The following LYSMD3 variants were observed in gnomAD, a reference collection of about 807,000 sequenced individuals.
LYSMD3 encodes the protein lysM and putative peptidoglycan-binding domain-containing protein 3.
In LYSMD3, 13 loss-of-function variants were observed where a neutral mutation model predicts 26.1. That is an observed-to-expected ratio of 0.50 (90% CI 0.32 to 0.79). The LOEUF is 0.79. LYSMD3 is among the 30% of genes least tolerant of loss of function. The pLI is 0.03. For missense variants in LYSMD3, 331 were observed against 362.5 expected (o/e 0.91, Z 0.71); for synonymous variants, 109 against 119.4 (o/e 0.91, Z 0.57).
At chr5:90,525,887 A>G (rs755095129) in intron 1 of LYSMD3, among the ~76,000 whole-genome samples, 43 of 152,254 alleles carry the variant, frequency 2.8e-4, no homozygotes, top group Non-Finnish European at 5.0e-4. Flanking sequence ...TAACAAAGGC[A>G]AATTGCTATA....
chr5:90,521,169 T>C (rs2151921143), intron 2 of LYSMD3, among the ~76,000 whole-genome samples: 1 of 152,244 alleles, frequency 6.6e-6, no homozygotes, highest in Middle Eastern at 3.4e-3. Context: ...CTGGGGCAAG[T>C]TGTTTAACCT....
intron 1 of LYSMD3, 181 bp downstream of exon 1, chr5:90,529,267 T>C (rs773662271): frequency 2.6e-6 from 1 of 377,780 alleles, no homozygotes; most frequent in Non-Finnish European, 5.2e-6. Flanking sequence ...CAAGAGGGCC[T>C]GGCAGGGCTG....
In LYSMD3 at chr5:90,519,226, C is replaced by G; in HGVS notation, c.514G>C (p.Val172Leu). Reference protein sequence around the residue: ...KEVDRDIEQIVKCTDNKRENL... With the variant: ...KEVDRDIEQILKCTDNKRENL... ...TCTCTCTTATTGTCTGTACACTTTA[C>G]TATTTGTTCTATGTCTCGGTCTACT... Residue 172 changes from valine to leucine, a missense_variant, in exon 3 of 3, where the codon GTA becomes CTA. By Grantham distance (32) the Val-to-Leu change is conservative. Coordinates refer to ENST00000315948, the MANE Select transcript of LYSMD3 (RefSeq NM_198273.2). 6.2e-7 allele frequency: 1 copy of G among 1,613,904 alleles called. No individual in the cohort carries two copies. The highest frequency in any genetic ancestry group is 8.5e-7 in the Non-Finnish European group (1 of 1,179,974).
Position 90,518,216 on chromosome 5 carries a change from C to T in LYSMD3, c.*603G>A, listed in dbSNP as rs1451988054. On this transcript the variant is annotated 3_prime_UTR_variant, in exon 3 of 3. Coordinates refer to ENST00000315948, the MANE Select transcript of LYSMD3 (RefSeq NM_198273.2). ...TTCTACTGACTTCCCAACCATAATA[C>T]ATTATTTTGGGGTCTTGAAAATATT... 3 of 152,248 alleles carry T rather than the reference C, an allele frequency of 2.0e-5. No individual in the cohort carries two copies. Among genetic ancestry groups the T allele is most frequent in the Admixed American group, 1.3e-4 (2 of 15,268 alleles). The allele number at this position is 152,248 out of a possible 1,614,324, so 9.4% of individuals were successfully genotyped here.
intron 1 of LYSMD3, 197 bp downstream of exon 1, chr5:90,529,251 G>A (rs1221000487): frequency 2.7e-6 from 1 of 365,294 alleles, no homozygotes; most frequent in Non-Finnish European, 5.4e-6. Flanking sequence ...TTCCCCGACA[G>A]TGTGACAAGA....
intron 1 of LYSMD3, among the ~76,000 whole-genome samples, chr5:90,528,910 G>T (rs1238528369): frequency 6.6e-6 from 1 of 152,168 alleles, no homozygotes; most frequent in Non-Finnish European, 1.5e-5. Context: ...ACTAAGCAAG[G>T]TGCAATAAGA....
chr5:90,524,181 A>T (rs922999853), intron 2 of LYSMD3, among the ~76,000 whole-genome samples: 2 of 152,216 alleles, frequency 1.3e-5, no homozygotes, highest in African/African-American at 4.8e-5. Flanking sequence ...ACATTATACA[A>T]CCATTTAAAA....
chr5:90,520,495 T>G (rs1753064779), intron 2 of LYSMD3: 1 of 455,682 alleles, frequency 2.2e-6, no homozygotes, highest in African/African-American at 2.0e-5. Flanking sequence ...AATGCAGATT[T>G]TAGATATGCT....
At position 90,519,428 on chromosome 5, in the gene LYSMD3, A is replaced by G. The variant is rs1241793543; in HGVS notation, c.312T>C (p.Leu104=). 3 of 1,613,782 alleles carry G rather than the reference A, an allele frequency of 1.9e-6. No homozygotes were observed. Among genetic ancestry groups the G allele is most frequent in the South Asian group, 1.1e-5 (1 of 91,080 alleles). The change falls in exon 3 of 3, where the codon CTT becomes CTC. Residue 104 remains leucine (L), a synonymous_variant. Transcript: ENST00000315948. ...NLISDQDFFA[L]RSIKIPVKKF... ...TTTTTACTGGAATTTTGATAGACCT[A>G]AGGGCAAAAAAGTCTTGATCACTGA...
chr5:90,525,011 G>A, intron 2 of LYSMD3, 24 bp downstream of exon 2: 1 of 1,517,010 alleles, frequency 6.6e-7, no homozygotes, highest in African/African-American at 1.4e-5. Context: ...CTTCTGAATT[G>A]CATTATGTAA....
intron 2 of LYSMD3, among the ~76,000 whole-genome samples, chr5:90,520,903 A>G (rs1408294539): frequency 1.3e-5 from 2 of 151,874 alleles, no homozygotes; most frequent in Non-Finnish European, 2.9e-5. Flanking sequence ...TGGGCAACAG[A>G]GCGAGACTCC....
At chr5:90,520,355 A>C (rs1753059561) in intron 2 of LYSMD3, 4 of 455,618 alleles carry the variant, frequency 8.8e-6, no homozygotes, top group Non-Finnish European at 1.8e-5. Context: ...AAACCTAATC[A>C]TGTATCACCT....
Position 90,518,294 on chromosome 5 carries a change from C to G in LYSMD3, c.*525G>C, listed in dbSNP as rs1473117501. On this transcript the variant is annotated 3_prime_UTR_variant, in exon 3 of 3. Coordinates refer to ENST00000315948, the MANE Select transcript of LYSMD3 (RefSeq NM_198273.2). The stretch of plus-strand genomic sequence containing the variant: ...GGAATTATAAATCACTTTCCCCTTT[C>G]TCTTTGTACGTATGCTTTCATAGCA... 6.6e-6 allele frequency: 1 copy of G among 152,218 alleles called. No individual in the cohort carries two copies. The highest frequency in any genetic ancestry group is 2.4e-5 in the African/African-American group (1 of 41,434). The allele number at this position is 152,218 out of a possible 1,614,324, so 9.4% of individuals were successfully genotyped here. A position where few individuals can be genotyped will look rare whatever the true frequency, so the allele number is the denominator to read the frequency against.
At chr5:90,524,226 A>C (rs761090398) in intron 2 of LYSMD3, among the ~76,000 whole-genome samples, 5 of 152,208 alleles carry the variant, frequency 3.3e-5, no homozygotes, top group Admixed American at 6.5e-5. Flanking sequence ...GATGGTCATG[A>C]GGGTGTCCAT....
intron 1 of LYSMD3, among the ~76,000 whole-genome samples, chr5:90,529,035 A>G (rs1333754725): frequency 1.3e-5 from 2 of 151,908 alleles, no homozygotes; most frequent in African/African-American, 4.9e-5. Flanking sequence ...TGTATTCCAC[A>G]CGTCAAGTTT....
rs773236457 is a variant in LYSMD3 at position 90,518,817 on chromosome 5, T to C, written c.*2A>G. On this transcript the variant is annotated 3_prime_UTR_variant, in exon 3 of 3. Coordinates refer to ENST00000315948, the MANE Select transcript of LYSMD3 (RefSeq NM_198273.2). ...CACTAACATTTGATTATGAGCTAAT[T>C]GCTATGTTTCCTGTTGAGCAGCAGG... 1 of 1,608,066 alleles carries C rather than the reference T, an allele frequency of 6.2e-7. No homozygotes were observed. The highest frequency in any genetic ancestry group is 2.2e-5 in the East Asian group (1 of 44,830).
At chr5:90,529,192 AGCT>A (rs1195045862) in intron 1 of LYSMD3, among the ~76,000 whole-genome samples, 2 of 152,196 alleles carry the variant, frequency 1.3e-5, no homozygotes, top group African/African-American at 4.8e-5. Context: ...GTGGGAAATT[AGCT>A]GCCCAGGTAA....
At chr5:90,523,343 G>A (rs933330234) in intron 2 of LYSMD3, among the ~76,000 whole-genome samples, 10 of 151,736 alleles carry the variant, frequency 6.6e-5, no homozygotes, top group Non-Finnish European at 1.3e-4. Context: ...ATTGTAATAA[G>A]AAATGTGAAT....
chr5:90,525,465 T>G (rs1162931722), intron 1 of LYSMD3, among the ~76,000 whole-genome samples, 165 bp from the exon 2 acceptor site: 1 of 151,912 alleles, frequency 6.6e-6, no homozygotes, highest in African/African-American at 2.4e-5. Context: ...TTTGTTTTGT[T>G]TTGAGATGGA....
Sources: gnomAD v4.1 joint callset for allele counts (sites outside exome capture counted in the v4.1 genomes callset) on GRCh38, gnomAD v4.1.1 for gene constraint, MANE v1.5 for transcripts, NCBI Gene and HGNC (gene_info 2026-07-23, HGNC 2026-07-21) for gene names.